Variants in INTU observed in about 807,000 individuals in gnomAD.
INTU encodes the protein inturned planar cell polarity protein, also known as protein inturned.
INTU carries 68 observed loss-of-function variants against 100.5 expected under a neutral mutation model. The observed-to-expected ratio is 0.68, with a 90% CI of 0.56 to 0.83. The LOEUF is 0.83. Among genes scored for constraint, INTU ranks in the 40% least tolerant of loss-of-function variants. The probability of loss-of-function intolerance (pLI) is 0.00; values close to 1 mark genes in which losing one functional copy is unlikely to be tolerated. For synonymous variants in INTU, 357 were observed against 395.7 expected (o/e 0.90, Z 1.16); for missense variants, 1,071 against 1,114.7 (o/e 0.96, Z 0.56).
intron 9 of INTU, 78 bp from the exon 10 acceptor site, chr4:127,704,150 T>G (rs1730770819): frequency 1.7e-6 from 2 of 1,176,264 alleles, no homozygotes; most frequent in South Asian, 2.9e-5. Flanking sequence ...TAATTTTCAT[T>G]TTAACTATTA....
rs1231215207 is a variant in INTU at position 127,718,513 on chromosome 4, C to A, written c.*2077C>A. On this transcript the variant is annotated 3_prime_UTR_variant, in exon 16 of 16. Coordinates refer to ENST00000335251, the MANE Select transcript of INTU (RefSeq NM_015693.4). ...AATTTTAAAATAGTTTTTTCTAATT[C>A]TATGAAGAATATCAATGGTAGTTTA... The A allele has an allele frequency of 6.6e-6, 1 of 152,068 alleles. No individual in the cohort carries two copies. The highest frequency in any genetic ancestry group is 1.5e-5 in the Non-Finnish European group (1 of 68,016). 9.4% of individuals were successfully genotyped at this position (152,068 alleles called of 1,614,324 possible).
At chr4:127,677,694 C>G (rs1485893941) in intron 6 of INTU, among the ~76,000 whole-genome samples, 1 of 152,168 alleles carries the variant, frequency 6.6e-6, no homozygotes, top group South Asian at 2.1e-4. Context: ...AGCAGAGTGC[C>G]TCTCCTCCTC....
chr4:127,684,045 T>C (rs1729703866), intron 6 of INTU: 1 of 161,488 alleles, frequency 6.2e-6, no homozygotes, highest in African/African-American at 2.4e-5. Context: ...TTTCTTTTTA[T>C]GGGCCCAGGT....
At chr4:127,665,852 C>T (rs183325631) in intron 4 of INTU, among the ~76,000 whole-genome samples, 49 of 152,244 alleles carry the variant, frequency 3.2e-4, no homozygotes, top group Admixed American at 8.5e-4. Context: ...ATGGTCTATC[C>T]ATATGCAAGG....
Position 127,716,458 on chromosome 4 carries a change from A to C in INTU, c.*22A>C. Reference sequence around the variant, plus strand: ...GTAGCTGTGCTTTCTTGATGCGTAGAAACACGTGCATGGAGGATCAAACAC... The same window carrying C: ...GTAGCTGTGCTTTCTTGATGCGTAGCAACACGTGCATGGAGGATCAAACAC... On this transcript the variant is annotated 3_prime_UTR_variant, in exon 16 of 16. Coordinates refer to ENST00000335251, the MANE Select transcript of INTU (RefSeq NM_015693.4). 1 of 1,152,902 alleles carries C rather than the reference A, an allele frequency of 8.7e-7. No homozygotes were observed. Among genetic ancestry groups the C allele is most frequent in the Non-Finnish European group, 1.3e-6 (1 of 792,790 alleles). 71.4% of individuals were successfully genotyped at this position (1,152,902 alleles called of 1,614,324 possible).
intron 7 of INTU, chr4:127,685,887 T>C (rs940353998): frequency 2.6e-5 from 4 of 152,818 alleles, no homozygotes; most frequent in African/African-American, 9.6e-5. Context: ...CTTCCATTGA[T>C]AGTGGAAGTA....
chr4:127,709,381 C>T lies in INTU; in HGVS notation c.2369+713C>T, dbSNP rs528787951. 2.0e-5 allele frequency among the ~76,000 whole-genome samples: 3 copies of T among 152,214 alleles called. No homozygotes were observed. In the East Asian group the frequency reaches 5.8e-4, roughly 29 times the overall value. On this transcript the variant is annotated intron_variant, in intron 13 of 15. Coordinates refer to ENST00000335251, the MANE Select transcript of INTU (RefSeq NM_015693.4). ...GAGTACTTCCTAATAAGTTTCCTCC[C>T]GGCATATCTCACTCTCAGAGTTTGG...
chr4:127,691,359 T>C (rs1730113873), intron 8 of INTU, among the ~76,000 whole-genome samples: 2 of 152,182 alleles, frequency 1.3e-5, no homozygotes, highest in Non-Finnish European at 1.5e-5. Context: ...CCAAAGTGGC[T>C]GTATTTTGTA....
At position 127,725,188 on chromosome 4, in the gene INTU, T is replaced by A. The variant is rs1354011480; in HGVS notation, c.*8752T>A. 1.3e-5 allele frequency: 2 copies of A among 148,986 alleles called. No homozygotes were observed. Among genetic ancestry groups the A allele is most frequent in the African/African-American group, 2.5e-5 (1 of 40,070 alleles). The allele number at this position is 148,986 out of a possible 1,614,324, so 9.2% of individuals were successfully genotyped here. ...CGGGCATGGTGGCAGGTGCCTGAAG[T>A]CCCAGCTACTTGGGAGGCTGAGGCA... On this transcript the variant is annotated 3_prime_UTR_variant, in exon 16 of 16. Transcript: ENST00000335251.
intron 7 of INTU, chr4:127,686,057 CA>C (rs1183996800): frequency 1.3e-5 from 2 of 152,066 alleles, no homozygotes; most frequent in Non-Finnish European, 2.9e-5. Flanking sequence ...ATTTTTATAA[CA>C]ACTTTTTTTC....
At chr4:127,699,792 G>A (rs967456190) in intron 8 of INTU, among the ~76,000 whole-genome samples, 1 of 152,110 alleles carries the variant, frequency 6.6e-6, no homozygotes, top group Non-Finnish European at 1.5e-5. Flanking sequence ...TTTTATATTT[G>A]CAAAGCTTAA....
chr4:127,716,005 A>C (rs1731250970), intron 15 of INTU, among the ~76,000 whole-genome samples: 1 of 152,192 alleles, frequency 6.6e-6, no homozygotes, highest in African/African-American at 2.4e-5. Flanking sequence ...ATACTTAATA[A>C]CTATTGTGCC....
intron 9 of INTU, 79 bp from the exon 10 acceptor site, chr4:127,704,149 T>C: frequency 1.7e-6 from 2 of 1,166,334 alleles, no homozygotes; most frequent in South Asian, 2.9e-5. Context: ...ATAATTTTCA[T>C]TTTAACTATT....
At chr4:127,674,715 T>C (rs1019409578) in intron 6 of INTU, among the ~76,000 whole-genome samples, 1 of 152,198 alleles carries the variant, frequency 6.6e-6, no homozygotes, top group Non-Finnish European at 1.5e-5. Context: ...TTTTGAAGTA[T>C]ACATTATTTT....
intron 2 of INTU, among the ~76,000 whole-genome samples, chr4:127,650,317 C>A (rs2126184991): frequency 6.6e-6 from 1 of 151,514 alleles, no homozygotes; most frequent in South Asian, 2.1e-4. Context: ...TGGTGCGCTG[C>A]ACCCACTAAC....
At chr4:127,657,814 T>A (rs562055067) in intron 3 of INTU, among the ~76,000 whole-genome samples, 51 of 151,882 alleles carry the variant, frequency 3.4e-4, no homozygotes, top group African/African-American at 1.2e-3. Flanking sequence ...TTATGGTGAG[T>A]TGTATAATTA....
intron 2 of INTU, 26 bp downstream of exon 2, chr4:127,644,082 C>A (rs761686146): frequency 5.2e-5 from 82 of 1,589,540 alleles, no homozygotes; most frequent in Non-Finnish European, 6.5e-5. Context: ...ACACATCCAT[C>A]CCTGTTTACA....
chr4:127,681,604 A>T (rs1490076880), intron 6 of INTU, among the ~76,000 whole-genome samples: 1 of 152,252 alleles, frequency 6.6e-6, no homozygotes, highest in Non-Finnish European at 1.5e-5. Context: ...AAATTAATTC[A>T]AGATGGATTA....
At chr4:127,690,726 A>G (rs1365177631) in intron 8 of INTU, among the ~76,000 whole-genome samples, 1 of 152,158 alleles carries the variant, frequency 6.6e-6, no homozygotes, top group Admixed American at 6.6e-5. Flanking sequence ...AATTGAGAGA[A>G]AGGTACAGAT....
Sources: gnomAD v4.1 joint callset for allele counts (sites outside exome capture counted in the v4.1 genomes callset) on GRCh38, gnomAD v4.1.1 for gene constraint, MANE v1.5 for transcripts, NCBI Gene and HGNC (gene_info 2026-07-23, HGNC 2026-07-21) for gene names.